The following NELL1 variants were observed in gnomAD, a reference collection of about 807,000 sequenced individuals.
NELL1 encodes neural EGFL like 1.
In NELL1, 76 loss-of-function variants were observed where a neutral mutation model predicts 107.4. The ratio of observed to expected loss-of-function variants is 0.71; its 90% CI spans 0.59 to 0.86. The LOEUF (loss-of-function observed/expected upper bound fraction) is 0.86. NELL1 is among the 40% of genes least tolerant of loss of function. NELL1 has a pLI of 0.00. For missense variants in NELL1, 1,024 were observed against 1,005.5 expected (o/e 1.02, Z -0.25); for synonymous variants, 353 against 341.2 (o/e 1.03, Z -0.38).
At chr11:21,389,873 A>C (rs942118022) in intron 15 of NELL1, among the ~76,000 whole-genome samples, 2 of 151,792 alleles carry the variant, frequency 1.3e-5, no homozygotes, top group African/African-American at 4.8e-5. Context: ...TGCAATAACT[A>C]TTCTTGTATA....
At chr11:21,295,200 C>T (rs914609009) in intron 14 of NELL1, among the ~76,000 whole-genome samples, 2 of 152,052 alleles carry the variant, frequency 1.3e-5, no homozygotes, top group Admixed American at 6.6e-5. Flanking sequence ...CTGACTTGCT[C>T]AAGGTCAATT....
intron 12 of NELL1, among the ~76,000 whole-genome samples, chr11:21,062,350 A>G (rs777774509): frequency 6.6e-6 from 1 of 152,176 alleles, no homozygotes; most frequent in Non-Finnish European, 1.5e-5. Context: ...GGTGGTTCAG[A>G]TTTGAGGCTT....
chr11:21,415,304 C>T (rs187843568), intron 15 of NELL1, among the ~76,000 whole-genome samples: 1 of 152,212 alleles, frequency 6.6e-6, no homozygotes, highest in African/African-American at 2.4e-5. Context: ...GGTGCACAGC[C>T]TGTGGTGACT....
intron 13 of NELL1, among the ~76,000 whole-genome samples, chr11:21,206,344 C>A (rs986964293): frequency 6.6e-6 from 1 of 152,084 alleles, no homozygotes; most frequent in African/African-American, 2.4e-5. Flanking sequence ...TATAAAGACA[C>A]CAGTCATTGG....
intron 15 of NELL1, among the ~76,000 whole-genome samples, chr11:21,441,410 C>T (rs917642600): frequency 4.8e-5 from 7 of 146,176 alleles, no homozygotes; most frequent in African/African-American, 1.8e-4. Flanking sequence ...TCCGAACTGT[C>T]TTTTGATGGG....
chr11:21,067,283 T>C (rs961881963), intron 12 of NELL1, among the ~76,000 whole-genome samples: 2 of 152,200 alleles, frequency 1.3e-5, no homozygotes, highest in African/African-American at 4.8e-5. Context: ...AGGAGAAATT[T>C]CTGGACAGCG....
At chr11:21,141,434 T>G (rs1209602980) in intron 13 of NELL1, among the ~76,000 whole-genome samples, 1 of 152,198 alleles carries the variant, frequency 6.6e-6, no homozygotes, top group Non-Finnish European at 1.5e-5. Context: ...TCTGTTTCAC[T>G]GTGTGATCTT....
chr11:20,860,446 C>A (rs1341901707), intron 4 of NELL1, among the ~76,000 whole-genome samples: 1 of 152,172 alleles, frequency 6.6e-6, no homozygotes, highest in Non-Finnish European at 1.5e-5. Context: ...CTGATCCTCA[C>A]ATTCTCGATG....
At chr11:21,560,747 T>C (rs1051355761) in intron 17 of NELL1, among the ~76,000 whole-genome samples, 1 of 152,124 alleles carries the variant, frequency 6.6e-6, no homozygotes, top group Non-Finnish European at 1.5e-5. Context: ...AAAACTACTC[T>C]TTGCCTAAAA....
At chr11:21,053,821 TCTC>T (rs1257540618) in intron 12 of NELL1, among the ~76,000 whole-genome samples, 5 of 152,294 alleles carry the variant, frequency 3.3e-5, no homozygotes, top group Admixed American at 3.3e-4. Flanking sequence ...TTACACTAGA[TCTC>T]CTTCAGGCTG....
At chr11:21,311,816 ATGG>A (rs1849755682) in intron 14 of NELL1, among the ~76,000 whole-genome samples, 1 of 152,120 alleles carries the variant, frequency 6.6e-6, no homozygotes, top group African/African-American at 2.4e-5. Context: ...CATTTTATAC[ATGG>A]TACTATTGTC....
At chr11:21,008,521 CATA>C (rs1424638944) in intron 12 of NELL1, among the ~76,000 whole-genome samples, 2 of 152,004 alleles carry the variant, frequency 1.3e-5, no homozygotes, top group Admixed American at 6.6e-5. Context: ...TTTTTAGAAT[CATA>C]GTAGGTGCTG....
chr11:21,299,023 T>C (rs1306781844), intron 14 of NELL1, among the ~76,000 whole-genome samples: 2 of 152,126 alleles, frequency 1.3e-5, no homozygotes, highest in Admixed American at 1.3e-4. Context: ...GATTGGCAGA[T>C]GCTTTTTACA....
chr11:21,253,758 T>C (rs76233102), intron 14 of NELL1, among the ~76,000 whole-genome samples: 2,829 of 152,194 alleles, frequency 0.019, 96 homozygotes, highest in African/African-American at 0.065. Context: ...ATATATTAGA[T>C]GTCTAAAGGC....
chr11:20,855,963 A>AT (rs1268731262), intron 4 of NELL1, among the ~76,000 whole-genome samples: 1 of 152,222 alleles, frequency 6.6e-6, no homozygotes, highest in Non-Finnish European at 1.5e-5. Context: ...AAAAGAACGG[A>AT]TTTTCTATAC....
At chr11:21,035,577 A>G (rs1309768145) in intron 12 of NELL1, among the ~76,000 whole-genome samples, 1 of 152,192 alleles carries the variant, frequency 6.6e-6, no homozygotes, top group African/African-American at 2.4e-5. Context: ...AGCTTGGTTC[A>G]ACATATGTGA....
intron 15 of NELL1, among the ~76,000 whole-genome samples, chr11:21,473,322 C>T (rs1854230234): frequency 1.3e-5 from 2 of 151,958 alleles, no homozygotes; most frequent in Non-Finnish European, 2.9e-5. Context: ...CCTTAAACCT[C>T]TTGAGATTCT....
intron 14 of NELL1, among the ~76,000 whole-genome samples, chr11:21,299,243 C>G (rs371083027): frequency 6.6e-6 from 1 of 151,958 alleles, no homozygotes; most frequent in Non-Finnish European, 1.5e-5. Context: ...ATTTTTGCAG[C>G]ATTTTCAGTC....
chr11:21,015,358 A>G (rs540148006), intron 12 of NELL1, among the ~76,000 whole-genome samples: 1 of 152,190 alleles, frequency 6.6e-6, no homozygotes, highest in Admixed American at 6.5e-5. Flanking sequence ...TGATTACTTG[A>G]TACGTGGGCT....
Sources: gnomAD v4.1 joint callset for allele counts (sites outside exome capture counted in the v4.1 genomes callset) on GRCh38, gnomAD v4.1.1 for gene constraint, MANE v1.5 for transcripts, NCBI Gene and HGNC (gene_info 2026-07-23, HGNC 2026-07-21) for gene names.